SAMD13: variants seen among roughly 807,000 people sequenced by gnomAD.
The protein encoded by SAMD13 is sterile alpha motif domain-containing protein 13.
Under a neutral mutation model 12.4 loss-of-function variants are expected in SAMD13, and 9 were observed. That is an observed-to-expected ratio of 0.72 (90% CI 0.44 to 1.26). The LOEUF (loss-of-function observed/expected upper bound fraction) is 1.26, where lower values mean the gene tolerates loss of function less well. Ranked by LOEUF, SAMD13 falls within the 50% of genes most tolerant of loss-of-function variation. The pLI is 0.00. For synonymous variants in SAMD13, 46 were observed against 45.4 expected (o/e 1.01, Z -0.05); for missense variants, 84 against 119.6 (o/e 0.70, Z 1.39).
chr1:84,338,873 G>A lies in SAMD13; in HGVS notation c.166-10758G>A, dbSNP rs554326082. Among the ~76,000 whole-genome samples, 7 of 152,262 alleles carry A rather than the reference G, an allele frequency of 4.6e-5. No individual in the cohort carries two copies. The East Asian group carries it at 1.4e-3, about 29-fold the overall frequency. On this transcript the variant is annotated intron_variant, in intron 3 of 3. Transcript: ENST00000394834. ...CCCACAACATGTGGGAATTCAAGACGAGATCTGGGTGGGATCACAGCCAAA... is the reference window on the plus strand; with the variant it reads ...CCCACAACATGTGGGAATTCAAGACAAGATCTGGGTGGGATCACAGCCAAA...
intron 1 of SAMD13, chr1:84,302,535 T>A: frequency 3.7e-6 from 1 of 266,750 alleles, no homozygotes; most frequent in Non-Finnish European, 5.2e-6. Context: ...TACTCTTTCT[T>A]ACACATACAC....
At chr1:84,317,186 G>A (rs1031649836) in intron 2 of SAMD13, among the ~76,000 whole-genome samples, 3 of 151,866 alleles carry the variant, frequency 2.0e-5, no homozygotes, top group African/African-American at 7.3e-5. Flanking sequence ...TCAATTTGGA[G>A]GCTATTTATT....
rs1233072249 is a variant in SAMD13, at chr1:84,349,849, A to G, written c.*75A>G. ...TTAGTTTCATGTAATGAAACTTTGT[A>G]AACAGAATACATACATGTGTATATG... is the stretch of plus-strand genomic sequence containing the variant. On this transcript the variant is annotated 3_prime_UTR_variant, in exon 4 of 4. Transcript: ENST00000394834. 1.9e-6 allele frequency: 3 copies of G among 1,550,918 alleles called. No homozygotes were observed. The East Asian group carries it at 6.8e-5, about 35-fold the overall frequency.
upstream of SAMD13, chr1:84,301,616 G>T (rs1383851818): frequency 6.2e-5 from 61 of 985,314 alleles, no homozygotes; most frequent in Non-Finnish European, 7.2e-5. Flanking sequence ...GAAGGCAGTT[G>T]GTGCAGCTTG....
chr1:84,345,052 C>G (rs940578582), intron 3 of SAMD13: 4 of 456,706 alleles, frequency 8.8e-6, no homozygotes, highest in South Asian at 3.1e-5. Flanking sequence ...ATATTGGACA[C>G]AGGATTTTCC....
chr1:84,302,518 A>C (rs1167772711), intron 1 of SAMD13: 2 of 208,336 alleles, frequency 9.6e-6, no homozygotes, highest in East Asian at 3.8e-4. Flanking sequence ...AAATCTAATG[A>C]GTTACCTACT....
upstream of SAMD13, among the ~76,000 whole-genome samples, chr1:84,300,901 T>C (rs1678442145): frequency 6.6e-6 from 1 of 152,218 alleles, no homozygotes; most frequent in Non-Finnish European, 1.5e-5. Context: ...GTAACTAATA[T>C]AGTACCGGGT....
At chr1:84,306,644 C>CAAA (rs386367519) in intron 2 of SAMD13, among the ~76,000 whole-genome samples, 28 of 63,900 alleles carry the variant, frequency 4.4e-4, no homozygotes, top group South Asian at 4.2e-3. Context: ...CTAAAAATAC[C>CAAA]AAAAAAAAAA....
chr1:84,342,688 C>A (rs1003917488), intron 3 of SAMD13, among the ~76,000 whole-genome samples: 8 of 152,144 alleles, frequency 5.3e-5, no homozygotes, highest in African/African-American at 1.9e-4. Flanking sequence ...CTTCCTTACA[C>A]CTTATACAAA....
intron 3 of SAMD13, among the ~76,000 whole-genome samples, chr1:84,338,629 G>A (rs1051890262): frequency 2.6e-5 from 4 of 151,832 alleles, no homozygotes; most frequent in Admixed American, 1.3e-4. Flanking sequence ...GTAGAGACAG[G>A]GTTTCACCAC....
At chr1:84,344,658 G>C in intron 3 of SAMD13, 1 of 309,310 alleles carries the variant, frequency 3.2e-6, no homozygotes, top group Middle Eastern at 7.3e-4. Context: ...TCTTGGTGGG[G>C]AAAGGCTGTT....
In SAMD13 at chr1:84,321,934, A is replaced by G. The variant is rs1047662350; in HGVS notation, c.54-3703A>G. Among the ~76,000 whole-genome samples the G allele has an allele frequency of 1.7e-3, 255 of 152,316 alleles. 1 individual carries two copies. Among genetic ancestry groups the G allele is most frequent in the Non-Finnish European group, 1.2e-3 (83 of 68,022 alleles). On this transcript the variant is annotated intron_variant, in intron 2 of 3. Transcript: ENST00000394834. ...CATCGTGCATTAACACGAGCAACCT[A>G]GAAGTGATGGTTTATGCCCGTGGAG...
intron 2 of SAMD13, among the ~76,000 whole-genome samples, chr1:84,316,635 T>G (rs193136627): frequency 6.6e-6 from 1 of 152,272 alleles, no homozygotes; most frequent in Admixed American, 6.5e-5. Context: ...TGTAATATAT[T>G]TTGAAATCAG....
chr1:84,341,395 C>T (rs755572786), intron 3 of SAMD13, among the ~76,000 whole-genome samples: 7 of 152,082 alleles, frequency 4.6e-5, no homozygotes, highest in Non-Finnish European at 5.9e-5. Context: ...AGGGCAATGA[C>T]CAAGGATAAC....
At chr1:84,341,130 C>T (rs1035144039) in intron 3 of SAMD13, among the ~76,000 whole-genome samples, 5 of 152,144 alleles carry the variant, frequency 3.3e-5, no homozygotes, top group African/African-American at 1.2e-4. Context: ...TGAATTATAC[C>T]ACTAGCTTTC....
intron 3 of SAMD13, among the ~76,000 whole-genome samples, chr1:84,331,636 A>C (rs563004260): frequency 6.6e-6 from 1 of 152,296 alleles, no homozygotes; most frequent in African/African-American, 2.4e-5. Context: ...CAACCCATGA[A>C]AATTTAGAAA....
chr1:84,298,605 C>T, upstream of SAMD13: 4 of 1,279,088 alleles, frequency 3.1e-6, no homozygotes, highest in Non-Finnish European at 4.0e-6. Context: ...CGTGGGAAGG[C>T]GCCCGCCCTC....
chr1:84,349,879 G>A lies in SAMD13; in HGVS notation c.*105G>A, dbSNP rs74485102. The A allele has an allele frequency of 1.7e-3, 2,526 of 1,460,916 alleles. 69 individuals carry two copies. In the East Asian group the frequency reaches 0.052, roughly 30 times the overall value. The allele number at this position is 1,460,916 out of a possible 1,614,324, so 90.5% of individuals were successfully genotyped here. ...GAATACATACATGTGTATATGTAAA[G>A]AATTTCAATCAAATGAAACGTTATC... is the stretch of plus-strand genomic sequence containing the variant. On this transcript the variant is annotated 3_prime_UTR_variant, in exon 4 of 4. Coordinates refer to ENST00000394834, the MANE Select transcript of SAMD13 (RefSeq NM_001134663.2).
At chr1:84,335,366 C>T (rs532242629) in intron 3 of SAMD13, among the ~76,000 whole-genome samples, 50 of 151,960 alleles carry the variant, frequency 3.3e-4, no homozygotes, top group African/African-American at 1.2e-3. Flanking sequence ...AATAGCAAAC[C>T]CTGCTTTTTT....
Sources: gnomAD v4.1 joint callset for allele counts (sites outside exome capture counted in the v4.1 genomes callset) on GRCh38, gnomAD v4.1.1 for gene constraint, MANE v1.5 for transcripts, NCBI Gene and HGNC (gene_info 2026-07-23, HGNC 2026-07-21) for gene names.